The following PPP1R1C variants were observed in gnomAD, a reference collection of about 807,000 sequenced individuals.
PPP1R1C encodes the protein protein phosphatase 1 regulatory inhibitor subunit 1C, also known as protein phosphatase 1 regulatory subunit 1C.
Under a neutral mutation model 17.4 loss-of-function variants are expected in PPP1R1C, and 15 were observed. The ratio of observed to expected loss-of-function variants is 0.86; its 90% CI spans 0.58 to 1.33. The LOEUF is 1.33. Among genes scored for constraint, PPP1R1C ranks in the 40% most tolerant of loss-of-function variants. The pLI, the probability that PPP1R1C is intolerant of heterozygous loss-of-function variation, is 0.00. For synonymous variants in PPP1R1C, 35 were observed against 43.1 expected (o/e 0.81, Z 0.73); for missense variants, 143 against 130.0 (o/e 1.10, Z -0.48).
intron 4 of PPP1R1C, among the ~76,000 whole-genome samples, chr2:182,071,560 C>T (rs144427535): frequency 1.3e-5 from 2 of 152,150 alleles, no homozygotes; most frequent in African/African-American, 4.8e-5. Context: ...CCATACTGTA[C>T]TCTTTGGAAG....
In PPP1R1C at chr2:181,967,437, A is replaced by G. The variant is rs550863854; in HGVS notation, n.112-7782A>G. On this transcript the variant is annotated intron_variant and non_coding_transcript_variant, in intron 1 of 5. Transcript: ENST00000464264. The surrounding 1 kb of genome is among the most constrained non-coding windows in gnomAD (Gnocchi z 5.5). ...TTTGTTGATGTGGGTGCTTATTGCT[A>G]TAAACTTTCTTCTTAGTACTGTTTT... Among the ~76,000 whole-genome samples the G allele has an allele frequency of 6.6e-6, 1 of 152,194 alleles. No individual in the cohort carries two copies. The highest frequency in any genetic ancestry group is 2.4e-5 in the African/African-American group (1 of 41,524).
intron 2 of PPP1R1C, among the ~76,000 whole-genome samples, chr2:182,031,934 A>G (rs1359754856): frequency 1.3e-5 from 2 of 152,254 alleles, no homozygotes; most frequent in Non-Finnish European, 1.5e-5. Flanking sequence ...ATTCCAGATC[A>G]TAGCCCAATC....
downstream of PPP1R1C, among the ~76,000 whole-genome samples, chr2:182,120,831 T>C (rs966996719): frequency 1.3e-5 from 2 of 152,036 alleles, no homozygotes; most frequent in African/African-American, 2.4e-5. Flanking sequence ...TGGATTTTTC[T>C]GTTCTGTTCT....
intron 2 of PPP1R1C, among the ~76,000 whole-genome samples, chr2:182,055,276 A>C (rs1383149490): frequency 6.6e-6 from 1 of 152,040 alleles, no homozygotes; most frequent in Non-Finnish European, 1.5e-5. Flanking sequence ...CTTCCCTCTA[A>C]GTCTCTTTAC....
chr2:182,115,920 C>CTAAT (rs1424211192), intron 4 of PPP1R1C, among the ~76,000 whole-genome samples: 8 of 151,948 alleles, frequency 5.3e-5, no homozygotes, highest in Non-Finnish European at 8.8e-5. Context: ...TTTAGTAATA[C>CTAAT]TTAAAAAATC....
intron 4 of PPP1R1C, among the ~76,000 whole-genome samples, chr2:182,078,741 C>A (rs1437461866): frequency 6.6e-6 from 1 of 152,114 alleles, no homozygotes; most frequent in Non-Finnish European, 1.5e-5. Flanking sequence ...TTGTTCACAT[C>A]TATAATTTGA....
At chr2:181,983,311 TA>T (rs1685226467), upstream of PPP1R1C, among the ~76,000 whole-genome samples, 1 of 152,190 alleles carries the variant, frequency 6.6e-6, no homozygotes, top group South Asian at 2.1e-4. Flanking sequence ...ACAAATTATC[TA>T]AACTCTCTGA....
chr2:182,106,486 C>A (rs1689256713), intron 4 of PPP1R1C, among the ~76,000 whole-genome samples: 2 of 152,232 alleles, frequency 1.3e-5, no homozygotes, highest in African/African-American at 4.8e-5. Context: ...AGCCCAGCCA[C>A]TGAGTGGCCT....
rs562713845 is a variant in PPP1R1C, at chr2:181,962,143, G to A, written n.111+7509G>A. The A allele has an allele frequency of 1.4e-6, 1 of 734,662 alleles. No individual in the cohort carries two copies. Among genetic ancestry groups the A allele is most frequent in the South Asian group, 1.4e-5 (1 of 73,568 alleles). The allele number at this position is 734,662 out of a possible 1,614,324, so 45.5% of individuals were successfully genotyped here. Reference sequence around the variant, plus strand: ...GTCCCTTCTTCTCCAGGTGCTCCCGGATTTTGCTCTCCAGCTTCCGGTTCT... The same window carrying A: ...GTCCCTTCTTCTCCAGGTGCTCCCGAATTTTGCTCTCCAGCTTCCGGTTCT... On this transcript the variant is annotated intron_variant and non_coding_transcript_variant, in intron 1 of 5. Coordinates refer to the PPP1R1C transcript ENST00000464264. The surrounding 1 kb of genome is among the most constrained non-coding windows in gnomAD (Gnocchi z 6.0).
intron 2 of PPP1R1C, among the ~76,000 whole-genome samples, chr2:182,010,271 AT>A (rs1261741003): frequency 4.6e-5 from 7 of 151,752 alleles, no homozygotes; most frequent in Non-Finnish European, 7.4e-5. Flanking sequence ...ATATTTTTGC[AT>A]TTTTTTGTGT....
At chr2:182,014,748 C>A (rs1574378203) in intron 2 of PPP1R1C, among the ~76,000 whole-genome samples, 1 of 151,822 alleles carries the variant, frequency 6.6e-6, no homozygotes, top group East Asian at 1.9e-4. Context: ...GAGCTAGCAC[C>A]CTAGCTGCAA....
At chr2:182,043,188 C>T (rs1036147507) in intron 2 of PPP1R1C, among the ~76,000 whole-genome samples, 1 of 152,134 alleles carries the variant, frequency 6.6e-6, no homozygotes, top group Non-Finnish European at 1.5e-5. Flanking sequence ...TCAACCACTT[C>T]GTATTCAAAT....
At chr2:182,081,450 G>T (rs1688473040) in intron 4 of PPP1R1C, among the ~76,000 whole-genome samples, 1 of 152,140 alleles carries the variant, frequency 6.6e-6, no homozygotes, top group African/African-American at 2.4e-5. Flanking sequence ...TAGCTAAACA[G>T]AGAAGAGTAG....
rs150102252 is a variant in PPP1R1C at position 181,972,315 on chromosome 2, C to A, written n.112-2904C>A. Among the ~76,000 whole-genome samples the A allele has an allele frequency of 9.1e-3, 1,390 of 152,096 alleles. 23 individuals carry two copies. The highest frequency in any genetic ancestry group is 0.032 in the African/African-American group (1,323 of 41,480). On this transcript the variant is annotated intron_variant and non_coding_transcript_variant, in intron 1 of 5. Coordinates refer to the PPP1R1C transcript ENST00000464264. ...ACTTCAGTAAGTCAGAGAATAAATC[C>A]AAGACAAAATGTGTGATGTACGAAA...
At chr2:182,061,056 A>T (rs933474157) in intron 2 of PPP1R1C, among the ~76,000 whole-genome samples, 1 of 152,134 alleles carries the variant, frequency 6.6e-6, no homozygotes, top group Non-Finnish European at 1.5e-5. Flanking sequence ...TTGGGTAGTG[A>T]CAAACTTGAG....
At chr2:182,004,099 C>T (rs1175906156) in intron 2 of PPP1R1C, among the ~76,000 whole-genome samples, 1 of 152,152 alleles carries the variant, frequency 6.6e-6, no homozygotes. Context: ...AAGCTTTCTC[C>T]TGTTAGTCTT....
At chr2:181,963,287 A>C (rs1684842330) in intron 1 of PPP1R1C, among the ~76,000 whole-genome samples, 1 of 152,226 alleles carries the variant, frequency 6.6e-6, no homozygotes, top group African/African-American at 2.4e-5. Context: ...AATAGAAAAA[A>C]CACTATCCAC....
upstream of PPP1R1C, among the ~76,000 whole-genome samples, chr2:181,981,257 A>G (rs1166600059): frequency 6.6e-6 from 1 of 152,230 alleles, no homozygotes; most frequent in East Asian, 1.9e-4. Context: ...CACAGTAGGC[A>G]CTAAATAAAT....
intron 2 of PPP1R1C, among the ~76,000 whole-genome samples, chr2:182,018,663 A>ATGATGTGAT (rs947402909): frequency 1.3e-5 from 2 of 152,228 alleles, no homozygotes; most frequent in African/African-American, 2.4e-5. Context: ...GAGCTAGAAC[A>ATGATGTGAT]TGATGTGATT....
Sources: allele counts gnomAD v4.1 joint callset (sites outside exome capture counted in the v4.1 genomes callset), GRCh38; gene constraint gnomAD v4.1.1; non-coding constraint Gnocchi (gnomAD v3.1); transcripts MANE v1.5; gene names NCBI Gene and HGNC (gene_info 2026-07-23, HGNC 2026-07-21).